The following IMPACT variants were observed in gnomAD, a reference collection of about 807,000 sequenced individuals.
IMPACT encodes impact RWD domain protein, also known as protein IMPACT.
IMPACT carries 35 observed loss-of-function variants against 47.5 expected under a neutral mutation model. That is an observed-to-expected ratio of 0.74 (90% CI 0.56 to 0.98). IMPACT has a LOEUF of 0.98. Among genes scored for constraint, IMPACT ranks in the 50% least tolerant of loss-of-function variants. IMPACT has a pLI of 0.00. For synonymous variants in IMPACT, 118 were observed against 125.6 expected, an observed-to-expected ratio of 0.94 and a Z score of 0.40; for missense variants, 373 against 394.8, an observed-to-expected ratio of 0.94 and a Z score of 0.47.
intron 5 of IMPACT, among the ~76,000 whole-genome samples, chr18:24,440,026 T>C (rs546069367): frequency 2.6e-5 from 4 of 152,204 alleles, no homozygotes; most frequent in African/African-American, 9.6e-5. Flanking sequence ...TGCCTGATGA[T>C]GATTTTCTAT....
rs1909425034 is a variant in IMPACT, at chr18:24,452,987, G to A, written c.*2140G>A. The A allele has an allele frequency of 6.6e-6, 1 of 152,028 alleles. No individual in the cohort carries two copies. Among genetic ancestry groups the A allele is most frequent in the African/African-American group, 2.4e-5 (1 of 41,376 alleles). 9.4% of individuals were successfully genotyped at this position (152,028 alleles called of 1,614,324 possible). On this transcript the variant is annotated 3_prime_UTR_variant, in exon 11 of 11. Transcript: ENST00000284202. ...AGATAGGGTCTTTCTATGTTGCCCA[G>A]GCTCGTCTTGAGCTCCTGGCCTCAA... is the stretch of plus-strand genomic sequence containing the variant.
rs988896219 is a variant in IMPACT, at chr18:24,452,121, C to G, written c.*1274C>G. 1 of 152,174 alleles carries G rather than the reference C, an allele frequency of 6.6e-6. No homozygotes were observed. Among genetic ancestry groups the G allele is most frequent in the Non-Finnish European group, 1.5e-5 (1 of 68,032 alleles). The allele number at this position is 152,174 out of a possible 1,614,324, so 9.4% of individuals were successfully genotyped here. On this transcript the variant is annotated 3_prime_UTR_variant, in exon 11 of 11. Coordinates refer to ENST00000284202, the MANE Select transcript of IMPACT (RefSeq NM_018439.4). ...AGGCAACTTTGGGATGGTGCTAGAG[C>G]ATGGAAAGCACAGAGAATTGGACAA...
At chr18:24,439,687 C>CTGTAATTG (rs1264332875) in intron 5 of IMPACT, 1 of 151,582 alleles carries the variant, frequency 6.6e-6, no homozygotes. Flanking sequence ...TGGTACGCAC[C>CTGTAATTG]TGTAATTGCA....
chr18:24,430,359 T>A lies in IMPACT; in HGVS notation c.256T>A (p.Ser86Thr), dbSNP rs1205801851. Residue 86 changes from serine (S) to threonine (T), a missense_variant, in exon 4 of 11, where the codon TCA (serine) becomes ACA (threonine). Physicochemically the swap from Ser to Thr is moderately conservative, Grantham distance 58. Transcript: ENST00000284202. Reference protein sequence around the residue: ...WLKGQERADLSNSLEEIYIQN... With the variant: ...WLKGQERADLTNSLEEIYIQN... ...TAAAGGGCAAGAACGTGCGGATTTATCAAATAGCCTTGAGGAAATATATAT... is the reference window on the plus strand; with the variant it reads ...TAAAGGGCAAGAACGTGCGGATTTAACAAATAGCCTTGAGGAAATATATAT... The A allele has an allele frequency of 6.3e-7, 1 of 1,598,466 alleles. No individual in the cohort carries two copies. The highest frequency in any genetic ancestry group is 8.5e-7 in the Non-Finnish European group (1 of 1,174,844).
intron 10 of IMPACT, 128 bp downstream of exon 10, chr18:24,450,081 C>T (rs1909345303): frequency 3.2e-6 from 3 of 945,746 alleles, no homozygotes; most frequent in East Asian, 2.5e-5. Context: ...GACTCAGAAC[C>T]TGGAGACCTA....
intron 6 of IMPACT, among the ~76,000 whole-genome samples, chr18:24,441,293 A>G (rs1909104500): frequency 6.6e-6 from 1 of 152,146 alleles, no homozygotes; most frequent in South Asian, 2.1e-4. Flanking sequence ...TCCCAAGTTC[A>G]GTGATTCTCC....
chr18:24,449,857 C>T lies in IMPACT; in HGVS notation c.798C>T (p.Arg266=), dbSNP rs746898421. The change falls in exon 10 of 11, where the codon CGC becomes CGT. Residue 266 remains arginine (R), a synonymous_variant. Coordinates refer to ENST00000284202, the MANE Select transcript of IMPACT (RefSeq NM_018439.4). ...NVKNVMVVVS[R]WYGGILLGPD... is the part of the protein sequence containing the mutation. The stretch of plus-strand genomic sequence containing the variant: ...AGAATGTCATGGTGGTAGTATCACG[C>T]TGGTATGGAGGGATTCTGCTAGGAC... 7 of 1,612,916 alleles carry T rather than the reference C, an allele frequency of 4.3e-6. No homozygotes were observed. In the African/African-American group the frequency reaches 5.3e-5, roughly 12 times the overall value.
chr18:24,450,944 C>T lies in IMPACT; in HGVS notation c.*97C>T. The T allele has an allele frequency of 1.5e-6, 1 of 673,534 alleles. No individual in the cohort carries two copies. Among genetic ancestry groups the T allele is most frequent in the Non-Finnish European group, 2.5e-6 (1 of 401,910 alleles). 41.7% of individuals were successfully genotyped at this position (673,534 alleles called of 1,614,324 possible). On this transcript the variant is annotated 3_prime_UTR_variant, in exon 11 of 11. Transcript: ENST00000284202. ...TGTGCAGAGAGAGTATCCTTGACTG[C>T]TTAAGTCAGCCAGTTCAGCATGGAT...
At chr18:24,434,908 GTGTGTA>G (rs748405754) in intron 4 of IMPACT, among the ~76,000 whole-genome samples, 17,791 of 59,646 alleles carry the variant, frequency 0.3, 1,513 homozygotes, top group African/African-American at 0.45. Flanking sequence ...ATATATATGT[GTGTGTA>G]TATATATATA....
Position 24,426,808 on chromosome 18 carries a change from G to C in IMPACT, c.36+16G>C, listed in dbSNP as rs1908620368. 6 of 1,237,846 alleles carry C rather than the reference G, an allele frequency of 4.8e-6. No homozygotes were observed. In the East Asian group the frequency reaches 1.6e-4, roughly 33 times the overall value. The allele number at this position is 1,237,846 out of a possible 1,614,324, so 76.7% of individuals were successfully genotyped here. A position where few individuals can be genotyped will look rare whatever the true frequency, so the allele number is the denominator to read the frequency against. ...CCAGAGGCAGGTGAGGCCCCGGCGG[G>C]GTGCTGTCTCTCCAGGCTCGGCTCC... is the stretch of plus-strand genomic sequence containing the variant. On this transcript the variant is annotated intron_variant, in intron 1 of 10. Transcript: ENST00000284202.
Position 24,449,881 on chromosome 18 carries a change from A to ACCAGAT in IMPACT, c.824_829dup (p.Pro275_Asp276dup). On this transcript the variant is annotated inframe_insertion, in exon 10 of 11. Coordinates refer to ENST00000284202, the MANE Select transcript of IMPACT (RefSeq NM_018439.4). ...GCTGGTATGGAGGGATTCTGCTAGG[A>ACCAGAT]CCAGATCGCTTTAAACATATCAACA... The ACCAGAT allele has an allele frequency of 6.2e-7, 1 of 1,613,302 alleles. No homozygotes were observed. The highest frequency in any genetic ancestry group is 8.5e-7 in the Non-Finnish European group (1 of 1,179,396).
chr18:24,445,457 A>T lies in IMPACT; in HGVS notation c.659A>T (p.Tyr220Phe). The T allele has an allele frequency of 6.3e-7, 1 of 1,599,752 alleles. No individual in the cohort carries two copies. The highest frequency in any genetic ancestry group is 8.5e-7 in the Non-Finnish European group (1 of 1,170,864). Residue 220 changes from tyrosine (Y) to phenylalanine (F), a missense_variant, in exon 8 of 11, where the codon TAT (tyrosine) becomes TTT (phenylalanine). Transcript: ENST00000284202. ...KKIASATHNI[Y>F]AYRIYCEDKQ... ...ATAGCTAGTGCCACCCACAACATCTATGCCTACAGGTGAGTAATCATCACA... is the reference window on the plus strand; with the variant it reads ...ATAGCTAGTGCCACCCACAACATCTTTGCCTACAGGTGAGTAATCATCACA...
intron 8 of IMPACT, among the ~76,000 whole-genome samples, chr18:24,447,595 G>A (rs1397947420): frequency 6.6e-6 from 1 of 152,146 alleles, no homozygotes; most frequent in African/African-American, 2.4e-5. Flanking sequence ...AATAAGATGA[G>A]AGGAAAGTAT....
chr18:24,445,783 A>G (rs769127210), intron 8 of IMPACT, among the ~76,000 whole-genome samples: 1 of 152,024 alleles, frequency 6.6e-6, no homozygotes, highest in Non-Finnish European at 1.5e-5. Flanking sequence ...TCATATTGTT[A>G]TAACTGCTTG....
chr18:24,449,475 G>A (rs1909324272), intron 9 of IMPACT, among the ~76,000 whole-genome samples: 1 of 152,194 alleles, frequency 6.6e-6, no homozygotes, highest in Non-Finnish European at 1.5e-5. Flanking sequence ...TGGCCTAGTG[G>A]TAAAATGCTG....
At chr18:24,441,949 C>T (rs1671398158) in intron 6 of IMPACT, among the ~76,000 whole-genome samples, 1 of 152,088 alleles carries the variant, frequency 6.6e-6, no homozygotes, top group African/African-American at 2.4e-5. Flanking sequence ...CATATTGACC[C>T]TAATACTGTA....
Position 24,446,812 on chromosome 18 carries a change from T to C in IMPACT, c.669-1281T>C, listed in dbSNP as rs559615807. Among the ~76,000 whole-genome samples the C allele has an allele frequency of 2.0e-5, 3 of 152,352 alleles. No individual in the cohort carries two copies. In the South Asian group the frequency reaches 6.2e-4, roughly 32 times the overall value. On this transcript the variant is annotated intron_variant, in intron 8 of 10. Transcript: ENST00000284202. ...TCAATAGGAAAATGAGGAATTAGAC[T>C]ACTCTCAGTCATTAAAATGGGCTGT... is the stretch of plus-strand genomic sequence containing the variant.
intron 4 of IMPACT, among the ~76,000 whole-genome samples, chr18:24,431,685 A>T (rs1054964626): frequency 6.6e-6 from 1 of 150,610 alleles, no homozygotes; most frequent in Non-Finnish European, 1.5e-5. Context: ...GCTAATTTTA[A>T]TTTTTTTAAT....
chr18:24,447,975 A>G (rs1909287015), intron 8 of IMPACT, 118 bp from the exon 9 acceptor site: 3 of 603,580 alleles, frequency 5.0e-6, no homozygotes, highest in Middle Eastern at 4.3e-4. Flanking sequence ...TTCAGGAAGG[A>G]TTTAAAAAAA....
Sources: allele counts gnomAD v4.1 joint callset (sites outside exome capture counted in the v4.1 genomes callset), GRCh38; gene constraint gnomAD v4.1.1; transcripts MANE v1.5; gene names NCBI Gene and HGNC (gene_info 2026-07-23, HGNC 2026-07-21).